Variants in LASP1 observed in about 807,000 individuals in gnomAD.
LASP1 encodes LIM and SH3 protein 1.
LASP1 carries 10 observed loss-of-function variants against 38.6 expected under a neutral mutation model. That is an observed-to-expected ratio of 0.26 (90% CI 0.16 to 0.44). The LOEUF (loss-of-function observed/expected upper bound fraction) is 0.44, where lower values mean the gene tolerates loss of function less well. LASP1 is among the 20% of genes least tolerant of loss of function. The pLI, the probability that LASP1 is intolerant of heterozygous loss-of-function variation, is 1.00. For synonymous variants in LASP1, 132 were observed against 140.8 expected, an observed-to-expected ratio of 0.94 and a Z score of 0.44; for missense variants, 243 against 375.7, an observed-to-expected ratio of 0.65 and a Z score of 2.92.
chr17:38,914,701 CA>C, intron 5 of LASP1, among the ~76,000 whole-genome samples: 1 of 152,058 alleles, frequency 6.6e-6, no homozygotes, highest in Non-Finnish European at 1.5e-5. Context: ...CACACACACA[CA>C]CACACACACA....
At chr17:38,873,095 C>T (rs766835230) in intron 1 of LASP1, among the ~76,000 whole-genome samples, 2 of 152,112 alleles carry the variant, frequency 1.3e-5, no homozygotes, top group African/African-American at 2.4e-5. Context: ...TCAAGAACCT[C>T]GCCACGTCCC....
chr17:38,891,740 C>A (rs1914331332), intron 3 of LASP1, among the ~76,000 whole-genome samples: 1 of 152,200 alleles, frequency 6.6e-6, no homozygotes, highest in Non-Finnish European at 1.5e-5. Context: ...ACTATCCACT[C>A]CCCAAGAAAC....
chr17:38,912,758 C>T (rs1452699189), intron 4 of LASP1, among the ~76,000 whole-genome samples: 2 of 152,190 alleles, frequency 1.3e-5, no homozygotes. Context: ...GTTCTCGTCC[C>T]ACCATGGGAC....
At position 38,921,660 on chromosome 17, in the gene LASP1, G is replaced by A. The variant is rs1915304749; in HGVS notation, c.*2882G>A. ...TTTTGGTCCCCTCCCTCGTGGGCTTGTGCTCGGGATCAAACCTTTCTGGCC... is the reference window on the plus strand; with the variant it reads ...TTTTGGTCCCCTCCCTCGTGGGCTTATGCTCGGGATCAAACCTTTCTGGCC... On this transcript the variant is annotated 3_prime_UTR_variant, in exon 7 of 7. Coordinates refer to ENST00000318008, the MANE Select transcript of LASP1 (RefSeq NM_006148.4). 1 of 232,310 alleles carries A rather than the reference G, an allele frequency of 4.3e-6. No homozygotes were observed. The highest frequency in any genetic ancestry group is 8.5e-6 in the Non-Finnish European group (1 of 117,430). 14.4% of individuals were successfully genotyped at this position (232,310 alleles called of 1,614,324 possible). A position where few individuals can be genotyped will look rare whatever the true frequency, so the allele number is the denominator to read the frequency against.
intron 4 of LASP1, among the ~76,000 whole-genome samples, chr17:38,912,744 C>T (rs544127045): frequency 3.3e-5 from 5 of 152,190 alleles, no homozygotes; most frequent in South Asian, 2.1e-4. Context: ...ACACCGAGGC[C>T]GGTGTTCTCG....
In LASP1 at chr17:38,890,225, C is replaced by G. The variant is rs914722259; in HGVS notation, c.165-195C>G. Reference sequence around the variant, plus strand: ...TGCCTGCTGCGTCTTCCCAGGTCAGCCAGTCCCAGCTGAGTCTGAGAAACG... The same window carrying G: ...TGCCTGCTGCGTCTTCCCAGGTCAGGCAGTCCCAGCTGAGTCTGAGAAACG... On this transcript the variant is annotated intron_variant, in intron 2 of 6. Coordinates refer to ENST00000318008, the MANE Select transcript of LASP1 (RefSeq NM_006148.4). 6.9e-6 allele frequency: 4 copies of G among 578,450 alleles called. No homozygotes were observed. In the East Asian group the frequency reaches 1.2e-4, roughly 17 times the overall value. 35.8% of individuals were successfully genotyped at this position (578,450 alleles called of 1,614,324 possible). A position where few individuals can be genotyped will look rare whatever the true frequency, so the allele number is the denominator to read the frequency against.
At chr17:38,909,463 C>T (rs568538489) in intron 4 of LASP1, among the ~76,000 whole-genome samples, 16 of 152,102 alleles carry the variant, frequency 1.1e-4, no homozygotes, top group African/African-American at 2.9e-4. Context: ...AAAAATTAGC[C>T]GGGCGTGGTG....
rs575719192 is a variant in LASP1, at chr17:38,899,518, G to A, written c.357+999G>A. ...TCCTTTAAGAGCTTGGCTGGGCCGT[G>A]CATAGAGTGGGCTGCAGTGGTGGGT... On this transcript the variant is annotated intron_variant, in intron 4 of 6. Coordinates refer to ENST00000318008, the MANE Select transcript of LASP1 (RefSeq NM_006148.4). Among the ~76,000 whole-genome samples the A allele has an allele frequency of 1.1e-3, 160 of 152,304 alleles. 2 individuals carry two copies. Among genetic ancestry groups the A allele is most frequent in the Non-Finnish European group, 2.0e-3 (133 of 68,034 alleles).
intron 4 of LASP1, among the ~76,000 whole-genome samples, chr17:38,905,582 GAACTATTTTCCA>G: frequency 1.3e-5 from 2 of 150,856 alleles, no homozygotes; most frequent in Middle Eastern, 7.0e-3. Context: ...AGATAATGCG[GAACTATTTTCCA>G]AGTGGCTGCA....
chr17:38,875,285 G>T (rs1387252857), intron 1 of LASP1, among the ~76,000 whole-genome samples: 1 of 152,024 alleles, frequency 6.6e-6, no homozygotes, highest in African/African-American at 2.4e-5. Context: ...AGGGAGTGGG[G>T]CTGTCACTTC....
At chr17:38,897,798 G>A (rs1449551115) in intron 3 of LASP1, among the ~76,000 whole-genome samples, 1 of 152,212 alleles carries the variant, frequency 6.6e-6, no homozygotes, top group Non-Finnish European at 1.5e-5. Context: ...CTTCCCTGGG[G>A]CTGTCTCACC....
At chr17:38,895,176 T>A (rs553542956) in intron 3 of LASP1, among the ~76,000 whole-genome samples, 4 of 150,772 alleles carry the variant, frequency 2.7e-5, no homozygotes, top group African/African-American at 9.9e-5. Flanking sequence ...AGATTTTTAT[T>A]AATTTTTTTT....
chr17:38,913,068 C>T (rs1052536092), intron 4 of LASP1, among the ~76,000 whole-genome samples: 1 of 152,160 alleles, frequency 6.6e-6, no homozygotes, highest in African/African-American at 2.4e-5. Flanking sequence ...CTCCCCTGCC[C>T]TCCTGACCTT....
Position 38,915,162 on chromosome 17 carries a change from C to G in LASP1, c.612+16C>G. ...TGGTGGCGGGGTGAGTAACCCTGGC[C>G]GGAGGGGAGAGGCCAGAGGCAGGGG... is the stretch of plus-strand genomic sequence containing the variant. On this transcript the variant is annotated intron_variant, in intron 6 of 6. Transcript: ENST00000318008. The G allele has an allele frequency of 6.2e-7, 1 of 1,609,164 alleles. No individual in the cohort carries two copies. Among genetic ancestry groups the G allele is most frequent in the Non-Finnish European group, 8.5e-7 (1 of 1,176,148 alleles).
chr17:38,880,754 G>A (rs1283275895), intron 2 of LASP1, among the ~76,000 whole-genome samples: 1 of 152,196 alleles, frequency 6.6e-6, no homozygotes, highest in Admixed American at 6.5e-5. Context: ...TGTGGCGCCC[G>A]CTTGCAAGGA....
chr17:38,883,355 G>C (rs532941334), intron 2 of LASP1, among the ~76,000 whole-genome samples: 10 of 152,078 alleles, frequency 6.6e-5, no homozygotes, highest in South Asian at 2.1e-4. Flanking sequence ...ACTCCAGCCT[G>C]GCAACAGAGG....
chr17:38,910,756 T>C (rs1172839061), intron 4 of LASP1, among the ~76,000 whole-genome samples: 1 of 91,866 alleles, frequency 1.1e-5, no homozygotes, highest in Non-Finnish European at 2.2e-5. Flanking sequence ...AGAGTCTCAG[T>C]CTGTTGCCCA....
intron 2 of LASP1, among the ~76,000 whole-genome samples, chr17:38,887,350 C>G (rs768172385): frequency 2.2e-4 from 33 of 152,296 alleles, no homozygotes; most frequent in South Asian, 1.5e-3. Context: ...CTCTTAGGGC[C>G]TCAGGGCCTG....
Position 38,918,526 on chromosome 17 carries a change from C to T in LASP1, c.613-79C>T, listed in dbSNP as rs1399241959. The T allele has an allele frequency of 9.9e-6, 14 of 1,409,656 alleles. No individual in the cohort carries two copies. The highest frequency in any genetic ancestry group is 5.7e-5 in the African/African-American group (4 of 69,978). 87.3% of individuals were successfully genotyped at this position (1,409,656 alleles called of 1,614,324 possible). A position where few individuals can be genotyped will look rare whatever the true frequency, so the allele number is the denominator to read the frequency against. On this transcript the variant is annotated intron_variant, in intron 6 of 6. Coordinates refer to ENST00000318008, the MANE Select transcript of LASP1 (RefSeq NM_006148.4). This position sits in a 1 kb window ranked among gnomAD's most constrained non-coding sequence, Gnocchi z 4.4. Reference sequence around the variant, plus strand: ...GCTCCCCCAGGCTCTGCTCCAGGGTCGTGGAGAGTTAGAAAAAAATGCTCA... The same window carrying T: ...GCTCCCCCAGGCTCTGCTCCAGGGTTGTGGAGAGTTAGAAAAAAATGCTCA...
Sources: allele counts gnomAD v4.1 joint callset (sites outside exome capture counted in the v4.1 genomes callset), GRCh38; gene constraint gnomAD v4.1.1; non-coding constraint Gnocchi (gnomAD v3.1); transcripts MANE v1.5; gene names NCBI Gene and HGNC (gene_info 2026-07-23, HGNC 2026-07-21).